PATJ: variants seen among roughly 807,000 people sequenced by gnomAD.
The protein encoded by PATJ is inaD-like protein.
Under a neutral mutation model 224.9 loss-of-function variants are expected in PATJ, and 190 were observed. That is an observed-to-expected ratio of 0.84 (90% CI 0.75 to 0.95). The LOEUF (loss-of-function observed/expected upper bound fraction) is 0.95. Ranked by LOEUF, PATJ falls within the 40% of genes least tolerant of loss-of-function variation. PATJ has a pLI of 0.00. For synonymous variants in PATJ, 769 were observed against 820.3 expected, an observed-to-expected ratio of 0.94 and a Z score of 1.07; for missense variants, 2,121 against 2,270.3, an observed-to-expected ratio of 0.93 and a Z score of 1.34.
intron 27 of PATJ, among the ~76,000 whole-genome samples, chr1:61,949,941 T>C (rs1170660928): frequency 6.6e-6 from 1 of 151,712 alleles, no homozygotes; most frequent in Non-Finnish European, 1.5e-5. Context: ...GGCTCATGCC[T>C]GTAATCCCAG....
chr1:61,895,581 A>G (rs1670244104), intron 22 of PATJ, among the ~76,000 whole-genome samples: 1 of 152,120 alleles, frequency 6.6e-6, no homozygotes, highest in Non-Finnish European at 1.5e-5. Context: ...AGTGCACAGA[A>G]GACAAGAGTT....
intron 29 of PATJ, among the ~76,000 whole-genome samples, chr1:62,026,494 G>A (rs1281899210): frequency 7.1e-6 from 1 of 140,752 alleles, no homozygotes; most frequent in Middle Eastern, 3.3e-3. Flanking sequence ...GTGTCTGTGT[G>A]TGTGTGTACA....
Position 62,107,348 on chromosome 1 carries a change from C to T in PATJ, c.4378-1089C>T, listed in dbSNP as rs541788570. Among the ~76,000 whole-genome samples the T allele has an allele frequency of 5.3e-5, 8 of 151,950 alleles. No homozygotes were observed. In the East Asian group the frequency reaches 1.4e-3, roughly 26 times the overall value. On this transcript the variant is annotated intron_variant, in intron 33 of 43. Transcript: ENST00000642238. ...AAGCTGTGTCCCTCTCTCAGCAGCCCTCTAAGACACCTATCATAATCCATT... is the reference window on the plus strand; with the variant it reads ...AAGCTGTGTCCCTCTCTCAGCAGCCTTCTAAGACACCTATCATAATCCATT...
intron 29 of PATJ, among the ~76,000 whole-genome samples, chr1:62,036,883 A>C (rs1214077153): frequency 2.7e-5 from 4 of 149,138 alleles, no homozygotes; most frequent in Non-Finnish European, 4.5e-5. Flanking sequence ...AAAAAAAAAG[A>C]AGGAAGAAAG....
At position 61,963,259 on chromosome 1, in the gene PATJ, A is replaced by G. The variant is rs535012699; in HGVS notation, c.3671-26909A>G. On this transcript the variant is annotated intron_variant, in intron 27 of 43. Coordinates refer to ENST00000642238, the MANE Select transcript of PATJ (RefSeq NM_001350145.3). ...TAGGCACGTATTTTGTATATGTGTTATATATATTCTTACAATAAAGTAAGC... is the reference window on the plus strand; with the variant it reads ...TAGGCACGTATTTTGTATATGTGTTGTATATATTCTTACAATAAAGTAAGC... Among the ~76,000 whole-genome samples the G allele has an allele frequency of 5.9e-5, 9 of 152,308 alleles. No homozygotes were observed. In the South Asian group the frequency reaches 1.7e-3, roughly 28 times the overall value.
chr1:61,950,742 T>C (rs1362179414), intron 27 of PATJ, among the ~76,000 whole-genome samples: 1 of 152,244 alleles, frequency 6.6e-6, no homozygotes, highest in Non-Finnish European at 1.5e-5. Flanking sequence ...TTTTTGGCAA[T>C]GCAAAATAGG....
chr1:62,139,024 C>T lies in PATJ; in HGVS notation c.5272-9260C>T, dbSNP rs192426194. ...CTGGAGGGCAGGGAACCTTTGCTCC[C>T]ACTGGGTTTCCTCTGCCCCCATCTC... On this transcript the variant is annotated intron_variant, in intron 41 of 43. Coordinates refer to ENST00000642238, the MANE Select transcript of PATJ (RefSeq NM_001350145.3). Among the ~76,000 whole-genome samples, 237 of 152,122 alleles carry T rather than the reference C, an allele frequency of 1.6e-3. 2 individuals carry two copies. Among genetic ancestry groups the T allele is most frequent in the African/African-American group, 5.3e-3 (222 of 41,506 alleles).
At chr1:61,776,065 T>G (rs554302866) in intron 7 of PATJ, among the ~76,000 whole-genome samples, 13 of 152,342 alleles carry the variant, frequency 8.5e-5, no homozygotes, top group Admixed American at 5.9e-4. Flanking sequence ...CATACGTAAG[T>G]AAAAATGAAC....
At position 61,787,938 on chromosome 1, in the gene PATJ, C is replaced by T. The variant is rs1425128352; in HGVS notation, c.1034C>T (p.Ala345Val). 2.5e-6 allele frequency: 4 copies of T among 1,613,576 alleles called. No individual in the cohort carries two copies. The highest frequency in any genetic ancestry group is 3.3e-5 in the Admixed American group (2 of 59,992). ...CCTGCCCCTGCAGCCTTACCTGTTG[C>T]CCTGCCTACTGTAGCCAGCAAGGGC... ...TPPAPAALPV[A>V]LPTVASKGPG... is the part of the protein sequence containing the mutation. Residue 345 changes from alanine to valine, a missense_variant, in exon 8 of 44, where the codon GCC (alanine) becomes GTC (valine). By Grantham distance (64) the Ala-to-Val change is moderately conservative (BLOSUM62 0). Coordinates refer to ENST00000642238, the MANE Select transcript of PATJ (RefSeq NM_001350145.3).
At chr1:61,819,077 C>T (rs941395910) in intron 14 of PATJ, among the ~76,000 whole-genome samples, 1 of 152,132 alleles carries the variant, frequency 6.6e-6, no homozygotes, top group Non-Finnish European at 1.5e-5. Flanking sequence ...CCTTTTTGCT[C>T]ACCTCCCACA....
At chr1:61,813,021 C>T (rs1447313326) in intron 14 of PATJ, among the ~76,000 whole-genome samples, 1 of 151,818 alleles carries the variant, frequency 6.6e-6, no homozygotes, top group Non-Finnish European at 1.5e-5. Context: ...TTTTAGCCTC[C>T]TGTGTCATAT....
chr1:61,781,837 G>A (rs530047588), intron 7 of PATJ, among the ~76,000 whole-genome samples: 2 of 152,318 alleles, frequency 1.3e-5, no homozygotes, highest in South Asian at 4.1e-4. Context: ...CATGGAAAAG[G>A]TGCATGAGGT....
rs992453113 is a variant in PATJ at position 61,753,596 on chromosome 1, G to T, written c.-35-9262G>T. On this transcript the variant is annotated intron_variant, in intron 1 of 43. Transcript: ENST00000642238. ...ACGATCTTGGCTCACTGCAACCTCC[G>T]CCTCCCGGGTTCAAGCGATTCTCCT... Among the ~76,000 whole-genome samples the T allele has an allele frequency of 4.6e-5, 7 of 151,296 alleles. No individual in the cohort carries two copies. The South Asian group carries it at 1.3e-3, about 27-fold the overall frequency.
At chr1:61,878,967 G>T (rs1667727157) in intron 21 of PATJ, among the ~76,000 whole-genome samples, 8 of 151,936 alleles carry the variant, frequency 5.3e-5, no homozygotes, top group Admixed American at 5.2e-4. Context: ...TGTATTTTTA[G>T]TAGAGATGGG....
intron 14 of PATJ, among the ~76,000 whole-genome samples, chr1:61,808,939 G>A (rs1654133208): frequency 6.6e-6 from 1 of 152,088 alleles, no homozygotes; most frequent in Non-Finnish European, 1.5e-5. Context: ...GTGTGCGTTA[G>A]TTTTTTAGAT....
rs777531312 is a variant in PATJ at position 61,827,422 on chromosome 1, G to A, written c.1819G>A (p.Val607Ile). The A allele has an allele frequency of 6.2e-7, 1 of 1,613,442 alleles. No individual in the cohort carries two copies. Among genetic ancestry groups the A allele is most frequent in the African/African-American group, 1.3e-5 (1 of 74,930 alleles). ...LLQPEDELLE[V>I]NGMQLYGKSR... is the part of the protein sequence containing the mutation. ...CTGACTTATCCCCTTGTCTTCCTAG[G>A]TCAATGGCATGCAGCTTTATGGAAA... is the stretch of plus-strand genomic sequence containing the variant. The change falls in exon 16 of 44, where the codon GTC becomes ATC. Residue 607 changes from valine (V) to isoleucine (I), a missense_variant and splice_region_variant. Physicochemically the swap from Val to Ile is conservative, Grantham distance 29. Transcript: ENST00000642238.
chr1:61,844,723 G>A (rs1227872702), intron 17 of PATJ, among the ~76,000 whole-genome samples: 2 of 152,114 alleles, frequency 1.3e-5, no homozygotes, highest in Admixed American at 6.5e-5. Flanking sequence ...TGTCAGGGGA[G>A]GGACCTGGTG....
At chr1:62,045,186 A>C (rs1356347274) in intron 30 of PATJ, among the ~76,000 whole-genome samples, 1 of 151,654 alleles carries the variant, frequency 6.6e-6, no homozygotes. Flanking sequence ...GTGCCATTGC[A>C]CTCCAGCCTG....
intron 27 of PATJ, among the ~76,000 whole-genome samples, chr1:61,944,867 C>T (rs1320642010): frequency 1.3e-5 from 2 of 152,232 alleles, no homozygotes; most frequent in Non-Finnish European, 2.9e-5. Flanking sequence ...ATCAGACTAA[C>T]AGCGGATCTC....
Sources: gnomAD v4.1 joint callset for allele counts (sites outside exome capture counted in the v4.1 genomes callset) on GRCh38, gnomAD v4.1.1 for gene constraint, MANE v1.5 for transcripts, NCBI Gene and HGNC (gene_info 2026-07-23, HGNC 2026-07-21) for gene names.